MED13L: variants seen among roughly 807,000 people sequenced by gnomAD.
The protein encoded by MED13L is mediator complex subunit 13L.
A neutral mutation model predicts 220.9 loss-of-function variants in MED13L; 7 were observed. That is an observed-to-expected ratio of 0.03 (90% CI 0.02 to 0.06). The LOEUF (loss-of-function observed/expected upper bound fraction) is 0.06. MED13L is among the 10% of genes least tolerant of loss of function. The pLI is 1.00. For missense variants in MED13L, 1,965 were observed against 2,760.5 expected (o/e 0.71, Z 6.46); for synonymous variants, 1,011 against 1,015.2 (o/e 1.00, Z 0.08).
At chr12:116,216,311 T>C (rs1882992169) in intron 2 of MED13L, among the ~76,000 whole-genome samples, 1 of 152,138 alleles carries the variant, frequency 6.6e-6, no homozygotes. Flanking sequence ...ACACCTGTCC[T>C]GAAGCATTAT....
chr12:116,232,890 C>T (rs1255706818), intron 2 of MED13L, among the ~76,000 whole-genome samples: 1 of 152,082 alleles, frequency 6.6e-6, no homozygotes, highest in Non-Finnish European at 1.5e-5. Flanking sequence ...AGTTTGAGAT[C>T]AACCTGGCCA....
chr12:116,023,714 T>C (rs888281172), intron 4 of MED13L, among the ~76,000 whole-genome samples: 1 of 152,174 alleles, frequency 6.6e-6, no homozygotes, highest in African/African-American at 2.4e-5. Context: ...ATTTCACCAG[T>C]AGGAAACACC....
In MED13L at chr12:116,059,562, C is replaced by T. The variant is rs755752445; in HGVS notation, c.480-36961G>A. ...TCTCCCAAGTAGCTGGGATTACAGA[C>T]GCCCGCCACCATGCCCAGCTAATTT... On this transcript the variant is annotated intron_variant, in intron 4 of 30. Coordinates refer to ENST00000281928, the MANE Select transcript of MED13L (RefSeq NM_015335.5). Among the ~76,000 whole-genome samples the T allele has an allele frequency of 1.1e-4, 16 of 151,630 alleles. 1 individual carries two copies. The highest frequency in any genetic ancestry group is 2.0e-4 in the Admixed American group (3 of 15,242).
chr12:116,162,116 C>G (rs1349193213), intron 2 of MED13L, among the ~76,000 whole-genome samples: 1 of 152,110 alleles, frequency 6.6e-6, no homozygotes, highest in East Asian at 1.9e-4. Flanking sequence ...GCAGATAGAT[C>G]CCAAAACAGA....
intron 3 of MED13L, among the ~76,000 whole-genome samples, chr12:116,107,759 C>G (rs1291593257): frequency 6.6e-6 from 1 of 152,190 alleles, no homozygotes; most frequent in African/African-American, 2.4e-5. Context: ...GAGACACAAA[C>G]ACTCTCCAAG....
At chr12:116,231,488 A>G (rs866173853) in intron 2 of MED13L, among the ~76,000 whole-genome samples, 1 of 152,184 alleles carries the variant, frequency 6.6e-6, no homozygotes, top group Non-Finnish European at 1.5e-5. Flanking sequence ...AATAACATCA[A>G]TATCATTGAT....
rs1340760702 is a variant in MED13L at position 115,997,229 on chromosome 12, T to C, written c.2571A>G (p.Thr857=). The C allele has an allele frequency of 6.2e-7, 1 of 1,613,724 alleles. No individual in the cohort carries two copies. Among genetic ancestry groups the C allele is most frequent in the South Asian group, 1.1e-5 (1 of 91,004 alleles). The part of the protein sequence containing the change: ...DGRAAVPYPP[T]VADLQRMFPT... ...GAAACATCCTTTGCAAGTCTGCAAC[T>C]GCTAAAAATAAGAAATAAAAAAAAT... Residue 857 remains threonine, a splice_region_variant and synonymous_variant, in exon 15 of 31, where the codon ACA becomes ACG. Coordinates refer to ENST00000281928, the MANE Select transcript of MED13L (RefSeq NM_015335.5).
At chr12:116,276,162 C>T (rs1464559734) in intron 1 of MED13L, among the ~76,000 whole-genome samples, 1 of 152,036 alleles carries the variant, frequency 6.6e-6, no homozygotes, top group South Asian at 2.1e-4. Context: ...CAGGCTTCCA[C>T]GAGAACAATT....
chr12:116,260,011 CAGA>C (rs148330404), intron 1 of MED13L, among the ~76,000 whole-genome samples: 5,274 of 152,202 alleles, frequency 0.035, 178 homozygotes, highest in South Asian at 0.13. Flanking sequence ...TTAACAAGAA[CAGA>C]AGAAGAATTG....
intron 1 of MED13L, among the ~76,000 whole-genome samples, chr12:116,240,822 C>T (rs1485410719): frequency 1.3e-5 from 2 of 150,654 alleles, no homozygotes; most frequent in Admixed American, 6.6e-5. Flanking sequence ...CCACCACGCC[C>T]GGACATCAAG....
At position 115,991,635 on chromosome 12, in the gene MED13L, G is replaced by A; in HGVS notation, c.3319C>T (p.His1107Tyr). 6.2e-7 allele frequency: 1 copy of A among 1,614,074 alleles called. No individual in the cohort carries two copies. Among genetic ancestry groups the A allele is most frequent in the Non-Finnish European group, 8.5e-7 (1 of 1,180,002 alleles). ...AGAATCAGGGTAACATAGAGGCTGT[G>A]GGCTTCGGGAATTGGCTGCATGGTG... ...PATMQPIPEA[H>Y]SLYVTLILSD... The change falls in exon 17 of 31, where the codon CAC becomes TAC. Residue 1107 changes from histidine (H) to tyrosine (Y), a missense_variant. His to Tyr is a moderately conservative substitution (Grantham distance 83). Transcript: ENST00000281928. This position sits in a 1 kb window ranked among gnomAD's most constrained non-coding sequence, Gnocchi z 7.7.
At chr12:116,100,705 G>A (rs1873001149) in intron 3 of MED13L, among the ~76,000 whole-genome samples, 1 of 151,946 alleles carries the variant, frequency 6.6e-6, no homozygotes, top group South Asian at 2.1e-4. Context: ...GAGGCCAGGA[G>A]TTTGACACCA....
chr12:115,982,968 G>A (rs1171767042), intron 21 of MED13L, 149 bp downstream of exon 21: 3 of 809,770 alleles, frequency 3.7e-6, no homozygotes, highest in Non-Finnish European at 1.9e-6. Flanking sequence ...TGCAGCTTTA[G>A]ATCGACCATT....
At chr12:116,053,065 C>A (rs1868637421) in intron 4 of MED13L, among the ~76,000 whole-genome samples, 1 of 152,130 alleles carries the variant, frequency 6.6e-6, no homozygotes, top group African/African-American at 2.4e-5. Flanking sequence ...ATCTGTCTTT[C>A]TGAAAGATTT....
At chr12:116,113,356 G>C (rs191997156) in intron 2 of MED13L, among the ~76,000 whole-genome samples, 2 of 151,862 alleles carry the variant, frequency 1.3e-5, no homozygotes, top group Admixed American at 1.3e-4. Flanking sequence ...AAAATAGGGG[G>C]CTGGATGTGG....
At chr12:116,049,295 T>C (rs568366124) in intron 4 of MED13L, among the ~76,000 whole-genome samples, 4 of 152,208 alleles carry the variant, frequency 2.6e-5, no homozygotes, top group African/African-American at 9.6e-5. Context: ...CCATTATGGA[T>C]GAACATATTT....
intron 2 of MED13L, among the ~76,000 whole-genome samples, chr12:116,144,462 C>CA (rs1442422791): frequency 9.2e-5 from 14 of 152,072 alleles, no homozygotes; most frequent in African/African-American, 2.4e-5. Context: ...TATTTCCTCA[C>CA]AAAAAAATTC....
chr12:116,233,487 T>A (rs1593192072), intron 2 of MED13L, among the ~76,000 whole-genome samples: 1 of 152,324 alleles, frequency 6.6e-6, no homozygotes, highest in African/African-American at 2.4e-5. Context: ...CTTGGTTCTG[T>A]GTACTCCATA....
intron 2 of MED13L, among the ~76,000 whole-genome samples, chr12:116,113,528 G>A (rs1036023187): frequency 4.7e-5 from 7 of 149,702 alleles, no homozygotes; most frequent in South Asian, 4.3e-4. Context: ...AGTTGTGCAC[G>A]CCTGTTGTCC....
Sources: gnomAD v4.1 joint callset for allele counts (sites outside exome capture counted in the v4.1 genomes callset) on GRCh38, gnomAD v4.1.1 for gene constraint, Gnocchi (gnomAD v3.1) non-coding constraint, MANE v1.5 for transcripts, NCBI Gene and HGNC (gene_info 2026-07-23, HGNC 2026-07-21) for gene names.